The following CEMIP2 variants were observed in gnomAD, a reference collection of about 807,000 sequenced individuals.
The protein encoded by CEMIP2 is cell migration inducing hyaluronidase 2.
A neutral mutation model predicts 146.9 loss-of-function variants in CEMIP2; 79 were observed. That is an observed-to-expected ratio of 0.54 (90% CI 0.45 to 0.65). The LOEUF (loss-of-function observed/expected upper bound fraction) is 0.65, where lower values mean the gene tolerates loss of function less well. Ranked by LOEUF, CEMIP2 falls within the 30% of genes least tolerant of loss-of-function variation. The pLI, the probability that CEMIP2 is intolerant of heterozygous loss-of-function variation, is 0.00. For missense variants in CEMIP2, 1,596 were observed against 1,696.2 expected (o/e 0.94, Z 1.04); for synonymous variants, 601 against 606.3 (o/e 0.99, Z 0.13).
intron 18 of CEMIP2, among the ~76,000 whole-genome samples, chr9:71,703,069 A>G (rs181363235): frequency 1.3e-5 from 2 of 152,308 alleles, no homozygotes; most frequent in East Asian, 3.9e-4. Context: ...TTGGGCTTTC[A>G]GAAATCTCAC....
intron 22 of CEMIP2, chr9:71,686,939 AT>A (rs1380419296): frequency 6.6e-6 from 1 of 152,204 alleles, no homozygotes; most frequent in Non-Finnish European, 1.5e-5. Context: ...GATAAACACA[AT>A]TCTAAAAATA....
At chr9:71,726,107 G>T (rs1456670974) in intron 10 of CEMIP2, among the ~76,000 whole-genome samples, 2 of 152,072 alleles carry the variant, frequency 1.3e-5, no homozygotes, top group Non-Finnish European at 2.9e-5. Context: ...CAATAGATGA[G>T]TCATGCCTAT....
chr9:71,694,295 T>C (rs1822324972), intron 21 of CEMIP2, among the ~76,000 whole-genome samples: 1 of 151,660 alleles, frequency 6.6e-6, no homozygotes, highest in Non-Finnish European at 1.5e-5. Flanking sequence ...CCCAGCTAAT[T>C]TTTTGTATTT....
At chr9:71,716,837 C>T (rs1823070596) in intron 13 of CEMIP2, among the ~76,000 whole-genome samples, 1 of 152,172 alleles carries the variant, frequency 6.6e-6, no homozygotes, top group East Asian at 1.9e-4. Flanking sequence ...AAAATATAAC[C>T]TTCCTCATAG....
intron 1 of CEMIP2, among the ~76,000 whole-genome samples, chr9:71,767,711 G>A (rs138043901): frequency 6.6e-6 from 1 of 152,314 alleles, no homozygotes; most frequent in East Asian, 1.9e-4. Flanking sequence ...CAACTCTGCA[G>A]AGAAAAGCTG....
intron 5 of CEMIP2, among the ~76,000 whole-genome samples, chr9:71,739,792 A>G (rs1823862863): frequency 6.6e-6 from 1 of 152,120 alleles, no homozygotes; most frequent in African/African-American, 2.4e-5. Flanking sequence ...ATCAGCTATT[A>G]TTAGTGTTAC....
At chr9:71,732,811 A>C (rs1405154223) in intron 6 of CEMIP2, among the ~76,000 whole-genome samples, 1 of 141,430 alleles carries the variant, frequency 7.1e-6, no homozygotes, top group Non-Finnish European at 1.5e-5. Context: ...GGTTCATGCC[A>C]TTCTCCTGCC....
chr9:71,727,483 T>C (rs1024174407), intron 10 of CEMIP2, among the ~76,000 whole-genome samples: 8 of 152,178 alleles, frequency 5.3e-5, no homozygotes, highest in African/African-American at 1.9e-4. Context: ...GAATCTTCAA[T>C]TGACAGGGAC....
chr9:71,740,244 AAG>A lies in CEMIP2; in HGVS notation c.1035-14_1035-13del. ...AAGCCCAAGCTTGCCTAGAAGGAAA[AAG>A]AGCATGTGCATTTGATTACTTGTCA... On this transcript the variant is annotated splice_polypyrimidine_tract_variant and intron_variant, in intron 4 of 23. Coordinates refer to ENST00000377044, the MANE Select transcript of CEMIP2 (RefSeq NM_013390.3). 1 of 1,611,508 alleles carries A rather than the reference AAG, an allele frequency of 6.2e-7. No individual in the cohort carries two copies. Among genetic ancestry groups the A allele is most frequent in the Non-Finnish European group, 8.5e-7 (1 of 1,179,776 alleles).
chr9:71,712,978 C>G (rs371403638), intron 15 of CEMIP2, among the ~76,000 whole-genome samples: 1 of 152,194 alleles, frequency 6.6e-6, no homozygotes, highest in East Asian at 1.9e-4. Context: ...TATTCTACAA[C>G]TAGGCAATGT....
chr9:71,706,563 G>A (rs1822745513), intron 17 of CEMIP2, among the ~76,000 whole-genome samples: 1 of 152,178 alleles, frequency 6.6e-6, no homozygotes, highest in South Asian at 2.1e-4. Context: ...TCAAAGGACT[G>A]AATGCTTTAC....
intron 2 of CEMIP2, among the ~76,000 whole-genome samples, chr9:71,746,766 T>C (rs1824102953): frequency 1.3e-5 from 2 of 152,222 alleles, no homozygotes; most frequent in African/African-American, 4.8e-5. Context: ...TGCTAAATAA[T>C]ACATTGATCA....
intron 1 of CEMIP2, among the ~76,000 whole-genome samples, chr9:71,763,632 C>G (rs1188227779): frequency 6.6e-6 from 1 of 152,062 alleles, no homozygotes; most frequent in East Asian, 1.9e-4. Flanking sequence ...TACAATGGAC[C>G]CTTGATACAA....
At chr9:71,697,918 C>G in intron 20 of CEMIP2, 67 bp downstream of exon 20, 2 of 1,486,288 alleles carry the variant, frequency 1.3e-6, no homozygotes, top group South Asian at 1.2e-5. Flanking sequence ...AAGAAAAGTG[C>G]TCCTATTGCA....
intron 10 of CEMIP2, among the ~76,000 whole-genome samples, chr9:71,729,487 C>T (rs1390421784): frequency 1.3e-5 from 2 of 151,968 alleles, no homozygotes; most frequent in African/African-American, 4.8e-5. Flanking sequence ...GGCGTGGTAG[C>T]AGGCGCCTGT....
At chr9:71,764,919 C>CTTT (rs397933000) in intron 1 of CEMIP2, among the ~76,000 whole-genome samples, 7 of 144,796 alleles carry the variant, frequency 4.8e-5, no homozygotes, top group Non-Finnish European at 1.5e-5. Context: ...GCTTTTCTTC[C>CTTT]TTTTTTTTTT....
intron 6 of CEMIP2, among the ~76,000 whole-genome samples, chr9:71,734,278 C>T (rs966234274): frequency 2.0e-5 from 3 of 150,434 alleles, no homozygotes; most frequent in African/African-American, 7.3e-5. Context: ...TTAAGAAATA[C>T]TTCTATTAAT....
chr9:71,744,558 A>C (rs1172844361), intron 4 of CEMIP2, among the ~76,000 whole-genome samples: 1 of 152,180 alleles, frequency 6.6e-6, no homozygotes, highest in East Asian at 1.9e-4. Flanking sequence ...AAAAAAGAAA[A>C]AGAAAAAGAA....
intron 18 of CEMIP2, among the ~76,000 whole-genome samples, chr9:71,703,592 A>G (rs944104976): frequency 6.6e-6 from 1 of 152,196 alleles, no homozygotes; most frequent in African/African-American, 2.4e-5. Context: ...TCAATTTTTC[A>G]GGTACATATC....
Sources: gnomAD v4.1 joint callset for allele counts (sites outside exome capture counted in the v4.1 genomes callset) on GRCh38, gnomAD v4.1.1 for gene constraint, MANE v1.5 for transcripts, NCBI Gene and HGNC (gene_info 2026-07-23, HGNC 2026-07-21) for gene names.